The following CRACDL variants were observed in gnomAD, a reference collection of about 807,000 sequenced individuals.
CRACDL encodes CRACD like, also known as CRACD-like protein.
CRACDL carries 26 observed loss-of-function variants against 70.6 expected under a neutral mutation model. The ratio of observed to expected loss-of-function variants is 0.37; its 90% confidence interval spans 0.27 to 0.51. The LOEUF (loss-of-function observed/expected upper bound fraction) is 0.51. CRACDL is among the 20% of genes least tolerant of loss of function. The pLI, the probability that CRACDL is intolerant of heterozygous loss-of-function variation, is 0.94. For synonymous variants in CRACDL, 618 were observed against 615.2 expected, an observed-to-expected ratio of 1.00 and a Z score of -0.07; for missense variants, 1,283 against 1,376.9, an observed-to-expected ratio of 0.93 and a Z score of 1.08.
chr2:98,821,478 T>G (rs1705023996), intron 7 of CRACDL, among the ~76,000 whole-genome samples: 1 of 152,230 alleles, frequency 6.6e-6, no homozygotes, highest in Admixed American at 6.5e-5. Flanking sequence ...GAGGTCGGCC[T>G]ATTCCTTACT....
intron 1 of CRACDL, among the ~76,000 whole-genome samples, chr2:98,895,717 T>C (rs1371554496): frequency 1.3e-5 from 2 of 152,120 alleles, no homozygotes; most frequent in Non-Finnish European, 2.9e-5. Flanking sequence ...CAAATTCAAC[T>C]GTGAGGAAGA....
intron 7 of CRACDL, 41 bp from the exon 8 acceptor site, chr2:98,797,578 C>A (rs376331876): frequency 1.9e-6 from 3 of 1,591,424 alleles, no homozygotes; most frequent in Non-Finnish European, 2.6e-6. Context: ...CAGTCCTATT[C>A]CCTCTTCGGT....
At chr2:98,855,542 CA>C (rs34018227) in intron 1 of CRACDL, among the ~76,000 whole-genome samples, 6 of 150,624 alleles carry the variant, frequency 4.0e-5, no homozygotes, top group Non-Finnish European at 3.0e-5. Flanking sequence ...AAAAGTTATC[CA>C]AAAAAAAGGG....
Position 98,820,939 on chromosome 2 carries a change from CATT to C in CRACDL, c.2416+915_2416+917del, listed in dbSNP as rs1174269781. Among the ~76,000 whole-genome samples, 10 of 152,288 alleles carry C rather than the reference CATT, an allele frequency of 6.6e-5. No individual in the cohort carries two copies. In the East Asian group the frequency reaches 1.9e-3, roughly 29 times the overall value. On this transcript the variant is annotated intron_variant, in intron 7 of 9. Coordinates refer to ENST00000397899, the MANE Select transcript of CRACDL (RefSeq NM_207362.3). ...AGGACCCTAATAGAGGAGTATGTTT[CATT>C]TATAGCCAAGAAATAGCTTAGGCCC...
chr2:98,855,464 A>T (rs575630383), intron 1 of CRACDL, among the ~76,000 whole-genome samples: 1 of 152,192 alleles, frequency 6.6e-6, no homozygotes, highest in South Asian at 2.1e-4. Context: ...ACTAAAAATT[A>T]TATGATAAAT....
At chr2:98,883,009 C>T (rs2104619399) in intron 1 of CRACDL, among the ~76,000 whole-genome samples, 1 of 152,282 alleles carries the variant, frequency 6.6e-6, no homozygotes, top group Admixed American at 6.5e-5. Flanking sequence ...TGCACGTGCC[C>T]AGTGTGATCT....
intron 1 of CRACDL, among the ~76,000 whole-genome samples, chr2:98,913,651 G>C (rs572526236): frequency 5.9e-5 from 9 of 152,146 alleles, no homozygotes; most frequent in Non-Finnish European, 1.0e-4. Context: ...CCCACCCAAA[G>C]GCAAGTCTGG....
At chr2:98,814,394 C>T (rs902716726) in intron 7 of CRACDL, among the ~76,000 whole-genome samples, 3 of 152,048 alleles carry the variant, frequency 2.0e-5, no homozygotes, top group African/African-American at 7.2e-5. Context: ...TTGAGACATC[C>T]TCTTTGATCC....
intron 1 of CRACDL, among the ~76,000 whole-genome samples, chr2:98,899,346 A>G (rs1708207012): frequency 1.3e-5 from 2 of 152,266 alleles, no homozygotes; most frequent in African/African-American, 2.4e-5. Flanking sequence ...GATACACAAG[A>G]GTCCTCATAG....
chr2:98,823,314 G>T lies in CRACDL; in HGVS notation c.959C>A (p.Ala320Asp). The change falls in exon 7 of 10, where the codon GCC becomes GAC. Residue 320 changes from alanine to aspartate, a missense_variant. Ala to Asp is a moderately radical substitution (Grantham distance 126). Transcript: ENST00000397899. This position sits in a 1 kb window ranked among gnomAD's most constrained non-coding sequence, Gnocchi z 4.0. Reference protein sequence around the residue: ...ARLQHSSALTASVEEGGVPGE... With the variant: ...ARLQHSSALTDSVEEGGVPGE... ...GGGGACGCCCCCCTCCTCCACGCTG[G>T]CCGTGAGCGCGGAGGAGTGCTGCAG... 6.9e-7 allele frequency: 1 copy of T among 1,448,788 alleles called. No individual in the cohort carries two copies. The highest frequency in any genetic ancestry group is 9.0e-7 in the Non-Finnish European group (1 of 1,112,428). The allele number at this position is 1,448,788 out of a possible 1,614,324, so 89.7% of individuals were successfully genotyped here. A position where few individuals can be genotyped will look rare whatever the true frequency, so the allele number is the denominator to read the frequency against.
chr2:98,834,304 A>C (rs552284817), intron 3 of CRACDL, among the ~76,000 whole-genome samples: 1 of 152,386 alleles, frequency 6.6e-6, no homozygotes, highest in African/African-American at 2.4e-5. Flanking sequence ...AAAAGAGTGA[A>C]AGATGGGAAA....
intron 1 of CRACDL, among the ~76,000 whole-genome samples, chr2:98,869,745 G>C (rs533444850): frequency 6.6e-6 from 1 of 152,192 alleles, no homozygotes; most frequent in Non-Finnish European, 1.5e-5. Flanking sequence ...TGGGAGGCAC[G>C]CTCGTCTCTG....
rs763306733 is a variant in CRACDL, at chr2:98,897,349, T to C, written c.-11+38589A>G. ...GGCACTGACAGCATCGCTAAATATA[T>C]ATTTGCCTTGCTCCTCTTAGCACCT... On this transcript the variant is annotated intron_variant, in intron 1 of 9. Coordinates refer to ENST00000397899, the MANE Select transcript of CRACDL (RefSeq NM_207362.3). 5.4e-6 allele frequency: 7 copies of C among 1,298,830 alleles called. No homozygotes were observed. In the South Asian group the frequency reaches 8.7e-5, roughly 16 times the overall value. The allele number at this position is 1,298,830 out of a possible 1,614,324, so 80.5% of individuals were successfully genotyped here.
At chr2:98,795,075 A>AT (rs1310155610) in intron 9 of CRACDL, among the ~76,000 whole-genome samples, 1,776 of 24,448 alleles carry the variant, frequency 0.073, 284 homozygotes, top group Admixed American at 0.29. Context: ...ATATATATAT[A>AT]TATTTTTTTT....
chr2:98,889,340 A>AAAGAAAGAAAGG (rs1231775878), intron 1 of CRACDL, among the ~76,000 whole-genome samples: 127 of 128,164 alleles, frequency 9.9e-4, no homozygotes, highest in Admixed American at 3.4e-3. Flanking sequence ...AGAAAGAAAG[A>AAAGAAAGAAAGG]AAGGAAACAG....
chr2:98,849,024 A>G (rs1032082843), intron 1 of CRACDL, among the ~76,000 whole-genome samples: 3 of 152,202 alleles, frequency 2.0e-5, no homozygotes, highest in African/African-American at 7.2e-5. Flanking sequence ...GACAGATGAG[A>G]CCCACGTGGT....
intron 5 of CRACDL, among the ~76,000 whole-genome samples, chr2:98,831,860 C>T (rs1190316363): frequency 2.6e-5 from 4 of 152,128 alleles, no homozygotes; most frequent in African/African-American, 7.2e-5. Context: ...TCCCTGCTGC[C>T]CTGTTTGCCA....
At chr2:98,838,348 G>A in intron 2 of CRACDL, 61 bp from the exon 3 acceptor site, 1 of 895,862 alleles carries the variant, frequency 1.1e-6, no homozygotes, top group Non-Finnish European at 1.7e-6. Context: ...TTATGTGCAT[G>A]TATGCAACAG....
chr2:98,829,408 C>T (rs1204581708), intron 5 of CRACDL, among the ~76,000 whole-genome samples: 1 of 152,192 alleles, frequency 6.6e-6, no homozygotes, highest in Non-Finnish European at 1.5e-5. Context: ...ATCTTGGGGT[C>T]CAGAAAGACC....
Sources: gnomAD v4.1 joint callset for allele counts (sites outside exome capture counted in the v4.1 genomes callset) on GRCh38, gnomAD v4.1.1 for gene constraint, Gnocchi (gnomAD v3.1) non-coding constraint, MANE v1.5 for transcripts, NCBI Gene and HGNC (gene_info 2026-07-23, HGNC 2026-07-21) for gene names.